SLC8A1: variants seen among roughly 807,000 people sequenced by gnomAD.
SLC8A1 encodes solute carrier family 8 member A1, also known as sodium/calcium exchanger 1.
In SLC8A1, 18 loss-of-function variants were observed where a neutral mutation model predicts 68.3. That is an observed-to-expected ratio of 0.26 (90% CI 0.18 to 0.39). SLC8A1 has a LOEUF of 0.39. Ranked by LOEUF, SLC8A1 falls within the 10% of genes least tolerant of loss-of-function variation. The pLI, the probability that SLC8A1 is intolerant of heterozygous loss-of-function variation, is 1.00. For missense variants in SLC8A1, 985 were observed against 1,156.7 expected (o/e 0.85, Z 2.15); for synonymous variants, 475 against 415.5 (o/e 1.14, Z -1.74).
intron 7 of SLC8A1, among the ~76,000 whole-genome samples, chr2:40,120,230 T>A (rs2036472670): frequency 6.6e-6 from 1 of 152,208 alleles, no homozygotes; most frequent in African/African-American, 2.4e-5. Context: ...GACCAGCTGT[T>A]CAGCTCTCCA....
chr2:40,323,315 C>G (rs741287), intron 2 of SLC8A1, among the ~76,000 whole-genome samples: 1 of 151,894 alleles, frequency 6.6e-6, no homozygotes, highest in East Asian at 1.9e-4. Flanking sequence ...ATGGATGTAA[C>G]TTAAGACTTT....
At chr2:40,175,803 C>A (rs1383122638) in intron 3 of SLC8A1, among the ~76,000 whole-genome samples, 2 of 152,030 alleles carry the variant, frequency 1.3e-5, no homozygotes, top group Non-Finnish European at 2.9e-5. Context: ...TTTGGGTTCC[C>A]TGCCTGGAAA....
chr2:40,123,256 C>T (rs930442472), intron 7 of SLC8A1: 5 of 152,160 alleles, frequency 3.3e-5, no homozygotes, highest in South Asian at 2.1e-4. Context: ...TGTTCAACTC[C>T]GACTGTGACT....
chr2:40,252,018 G>A lies in SLC8A1; in HGVS notation c.1809-74163C>T, dbSNP rs565147964. Among the ~76,000 whole-genome samples, 4 of 152,206 alleles carry A rather than the reference G, an allele frequency of 2.6e-5. No individual in the cohort carries two copies. In the South Asian group the frequency reaches 8.3e-4, roughly 32 times the overall value. On this transcript the variant is annotated intron_variant, in intron 2 of 7. Coordinates refer to ENST00000406785, the Ensembl canonical transcript of SLC8A1. Reference sequence around the variant, plus strand: ...AGTTTGTTTTTATATAACCATATATGCAATATGATTACAAATCTGCTAAAT... The same window carrying A: ...AGTTTGTTTTTATATAACCATATATACAATATGATTACAAATCTGCTAAAT...
At chr2:40,506,472 A>G (rs1353470607) in intron 1 of SLC8A1, among the ~76,000 whole-genome samples, 1 of 151,952 alleles carries the variant, frequency 6.6e-6, no homozygotes, top group African/African-American at 2.4e-5. Flanking sequence ...TGTTATGTAA[A>G]TTTAGTTTCT....
chr2:40,330,943 C>G (rs569835372), intron 2 of SLC8A1, among the ~76,000 whole-genome samples: 6 of 152,086 alleles, frequency 3.9e-5, no homozygotes, highest in Non-Finnish European at 8.8e-5. Flanking sequence ...GAGCCACATA[C>G]AAAATTGAAT....
chr2:40,156,339 G>A (rs2044480553), intron 6 of SLC8A1, among the ~76,000 whole-genome samples: 2 of 148,402 alleles, frequency 1.3e-5, no homozygotes, highest in African/African-American at 5.0e-5. Context: ...GTTGGTAAGA[G>A]ACAGAACCAA....
intron 2 of SLC8A1, among the ~76,000 whole-genome samples, chr2:40,215,411 GTGGA>G (rs2057307173): frequency 6.6e-6 from 1 of 152,026 alleles, no homozygotes; most frequent in African/African-American, 2.4e-5. Flanking sequence ...GCCGAGGCGG[GTGGA>G]TCATGAGGTC....
intron 6 of SLC8A1, among the ~76,000 whole-genome samples, chr2:40,143,446 A>G (rs944167769): frequency 3.3e-5 from 5 of 152,182 alleles, no homozygotes; most frequent in Non-Finnish European, 7.4e-5. Context: ...TGTGTTAGAA[A>G]AGAAAGACAG....
At chr2:40,465,206 C>T (rs1215422799) in intron 1 of SLC8A1, among the ~76,000 whole-genome samples, 2 of 152,126 alleles carry the variant, frequency 1.3e-5, no homozygotes, top group Non-Finnish European at 2.9e-5. Flanking sequence ...AGGGATACAA[C>T]ACATCTTGCA....
At chr2:40,428,269 A>C (rs1697387827) in intron 2 of SLC8A1, among the ~76,000 whole-genome samples, 1 of 152,128 alleles carries the variant, frequency 6.6e-6, no homozygotes, top group South Asian at 2.1e-4. Flanking sequence ...GATGTAAATA[A>C]ATTTAAGATC....
intron 1 of SLC8A1, among the ~76,000 whole-genome samples, chr2:40,483,638 C>A (rs1045105815): frequency 3.0e-4 from 45 of 152,292 alleles, no homozygotes; most frequent in African/African-American, 1.1e-3. Context: ...TAAAGTGAGG[C>A]CACATGACTA....
intron 2 of SLC8A1, among the ~76,000 whole-genome samples, chr2:40,317,044 T>C (rs567707705): frequency 6.6e-6 from 1 of 152,208 alleles, no homozygotes; most frequent in African/African-American, 2.4e-5. Context: ...AAAAATTGTG[T>C]TAAACTAATA....
chr2:40,381,605 G>A (rs2149552890), intron 2 of SLC8A1, among the ~76,000 whole-genome samples: 1 of 151,904 alleles, frequency 6.6e-6, no homozygotes. Flanking sequence ...CATGATCTCT[G>A]ATAACTATGA....
intron 2 of SLC8A1, among the ~76,000 whole-genome samples, chr2:40,203,106 T>A (rs2054712302): frequency 6.6e-6 from 1 of 151,936 alleles, no homozygotes; most frequent in Non-Finnish European, 1.5e-5. Context: ...AGGATTAAAC[T>A]TTTGACAGAC....
intron 1 of SLC8A1, among the ~76,000 whole-genome samples, chr2:40,493,246 C>CA (rs752488874): frequency 1.3e-5 from 2 of 148,950 alleles, no homozygotes; most frequent in Non-Finnish European, 3.0e-5. Flanking sequence ...ATTGGAAGAA[C>CA]AAAAAACCAA....
intron 2 of SLC8A1, among the ~76,000 whole-genome samples, chr2:40,257,934 C>T (rs434082): frequency 0.14 from 20,745 of 152,164 alleles, 1,605 homozygotes; most frequent in Middle Eastern, 0.22. Flanking sequence ...GTAATCACAA[C>T]GACAGGAGTA....
intron 2 of SLC8A1, among the ~76,000 whole-genome samples, chr2:40,351,531 C>T (rs965625765): frequency 1.3e-5 from 2 of 151,618 alleles, no homozygotes; most frequent in African/African-American, 2.4e-5. Context: ...AATCTAACAT[C>T]TGTCCTTATC....
intron 2 of SLC8A1, among the ~76,000 whole-genome samples, chr2:40,382,745 A>T (rs2149559447): frequency 6.6e-6 from 1 of 152,244 alleles, no homozygotes; most frequent in Middle Eastern, 3.4e-3. Flanking sequence ...TTGCTTAAAG[A>T]AAAGCTTTAA....
Sources: gnomAD v4.1 joint callset for allele counts (sites outside exome capture counted in the v4.1 genomes callset) on GRCh38, gnomAD v4.1.1 for gene constraint, MANE v1.5 for transcripts, NCBI Gene and HGNC (gene_info 2026-07-23, HGNC 2026-07-21) for gene names.